Variants in IFFO2 observed in about 807,000 individuals in gnomAD.
The protein encoded by IFFO2 is intermediate filament family orphan 2.
IFFO2 carries 19 observed loss-of-function variants against 53.5 expected under a neutral mutation model. The observed-to-expected ratio is 0.36, with a 90% CI of 0.25 to 0.52. The LOEUF is 0.52. IFFO2 is among the 20% of genes least tolerant of loss of function. The probability of loss-of-function intolerance (pLI) is 0.94; values close to 1 mark genes in which losing one functional copy is unlikely to be tolerated. For missense variants in IFFO2, 570 were observed against 727.4 expected, an observed-to-expected ratio of 0.78 and a Z score of 2.49; for synonymous variants, 303 against 313.6, an observed-to-expected ratio of 0.97 and a Z score of 0.36.
In IFFO2 at chr1:18,936,925, T is replaced by A. The variant is rs551106107; in HGVS notation, c.666-15804A>T. On this transcript the variant is annotated intron_variant, in intron 1 of 8. Transcript: ENST00000455833. The surrounding 1 kb of genome is among the most constrained non-coding windows in gnomAD (Gnocchi z 4.5). ...TGACCCCACCTGGATTCAATGAGGA[T>A]GTGCAAACACAAACTGGCTGCAGGT... Among the ~76,000 whole-genome samples the A allele has an allele frequency of 6.9e-6, 1 of 144,328 alleles. No individual in the cohort carries two copies. Among genetic ancestry groups the A allele is most frequent in the African/African-American group, 2.6e-5 (1 of 38,818 alleles). The allele number at this position is 144,328 out of a possible 152,430, so 94.7% of individuals were successfully genotyped here. A position where few individuals can be genotyped will look rare whatever the true frequency, so the allele number is the denominator to read the frequency against.
chr1:18,919,551 A>T lies in IFFO2; in HGVS notation c.822+127T>A, dbSNP rs1001029551. 5 of 686,310 alleles carry T rather than the reference A, an allele frequency of 7.3e-6. No individual in the cohort carries two copies. The highest frequency in any genetic ancestry group is 1.3e-5 in the Non-Finnish European group (5 of 382,254). The allele number at this position is 686,310 out of a possible 1,614,324, so 42.5% of individuals were successfully genotyped here. The stretch of plus-strand genomic sequence containing the variant: ...TGCATCCAATGCATCCGTCATCCTC[A>T]TGGTCAAACACAGCCAGCCAGGATT... On this transcript the variant is annotated intron_variant, in intron 3 of 8. Transcript: ENST00000455833. This position sits in a 1 kb window ranked among gnomAD's most constrained non-coding sequence, Gnocchi z 4.9.
In IFFO2 at chr1:18,919,746, C is replaced by T; in HGVS notation, c.754G>A (p.Glu252Lys). The T allele has an allele frequency of 6.4e-7, 1 of 1,551,632 alleles. No homozygotes were observed. ...CGCTCGATCTTCTCATTCATCTCCTCCTGGATGGCATCAGCCTCCTGTGCT... is the reference window on the plus strand; with the variant it reads ...CGCTCGATCTTCTCATTCATCTCCTTCTGGATGGCATCAGCCTCCTGTGCT... ...EAAQEADAIQEEMNEKIERLK... is the reference protein window; with the variant it reads ...EAAQEADAIQKEMNEKIERLK... Residue 252 changes from glutamate (E) to lysine (K), a missense_variant, in exon 3 of 9, where the codon GAG becomes AAG. Physicochemically the swap from Glu to Lys is moderately conservative, Grantham distance 56. Coordinates refer to ENST00000455833, the MANE Select transcript of IFFO2 (RefSeq NM_001136265.2). The surrounding 1 kb of genome is among the most constrained non-coding windows in gnomAD (Gnocchi z 4.9).
intron 1 of IFFO2, among the ~76,000 whole-genome samples, chr1:18,941,595 T>TTGC (rs755301894): frequency 1.3e-5 from 2 of 152,216 alleles, no homozygotes; most frequent in Non-Finnish European, 2.9e-5. Flanking sequence ...AACGGCTGCC[T>TTGC]TGCTGCTGCT....
rs1189033356 is a variant in IFFO2 at position 18,912,097 on chromosome 1, A to G, written c.1104-14T>C. On this transcript the variant is annotated splice_polypyrimidine_tract_variant and intron_variant, in intron 5 of 8. Coordinates refer to ENST00000455833, the MANE Select transcript of IFFO2 (RefSeq NM_001136265.2). ...AAGGTCTCCCGCCTGTGGGGGTGAC[A>G]CCAGAGGGCATGACTGAACAGAAGG... 1.3e-6 allele frequency: 2 copies of G among 1,551,480 alleles called. No homozygotes were observed. Among genetic ancestry groups the G allele is most frequent in the South Asian group, 1.2e-5 (1 of 84,052 alleles).
Position 18,912,042 on chromosome 1 carries a change from G to T in IFFO2, c.1145C>A (p.Thr382Lys), listed in dbSNP as rs1391587020. 1.5e-5 allele frequency: 24 copies of T among 1,551,720 alleles called. No homozygotes were observed. Among genetic ancestry groups the T allele is most frequent in the Non-Finnish European group, 2.1e-5 (24 of 1,146,968 alleles). The change falls in exon 6 of 9, where the codon ACG becomes AAG. Residue 382 changes from threonine (T) to lysine (K), a missense_variant. Transcript: ENST00000455833. ...CAGCGTGTCTTCATTCTCTTCCCAC[G>T]TCAGGCTGTCACAGTCGTCGTCAAA... Reference protein sequence around the residue: ...FDFDDDCDSLTWEENEDTLLL... With the variant: ...FDFDDDCDSLKWEENEDTLLL...
In IFFO2 at chr1:18,911,965, C is replaced by T. The variant is rs775253305; in HGVS notation, c.1222G>A (p.Glu408Lys). ...NCNPTIDLQG[E>K]QEENLGNLIH... ...GGGAAGCCAGGCGCTGGGCTTACCT[C>T]GCCCTGCAGGTCGATGGTCGGATTG... The change falls in exon 6 of 9, where the codon GAG (glutamate) becomes AAG (lysine). Residue 408 changes from glutamate (E) to lysine (K), a missense_variant and splice_region_variant. Coordinates refer to ENST00000455833, the MANE Select transcript of IFFO2 (RefSeq NM_001136265.2). The T allele has an allele frequency of 1.3e-5, 20 of 1,551,568 alleles. No individual in the cohort carries two copies. The South Asian group carries it at 1.5e-4, about 12-fold the overall frequency.
chr1:18,914,546 G>C (rs971818614), intron 5 of IFFO2, among the ~76,000 whole-genome samples: 1 of 152,150 alleles, frequency 6.6e-6, no homozygotes, highest in African/African-American at 2.4e-5. Flanking sequence ...GCCAGGTGCA[G>C]TGGCTCATGC....
chr1:18,955,633 C>G, intron 1 of IFFO2, 35 bp downstream of exon 1: 4 of 1,530,860 alleles, frequency 2.6e-6, no homozygotes, highest in Non-Finnish European at 2.6e-6. Flanking sequence ...CTGGGCGCCC[C>G]GTCCCAGGGC....
chr1:18,941,934 C>A (rs1936527212), intron 1 of IFFO2, among the ~76,000 whole-genome samples: 1 of 152,338 alleles, frequency 6.6e-6, no homozygotes, highest in Admixed American at 6.5e-5. Context: ...CTGGACACAG[C>A]CTTGAATGCC....
At chr1:18,910,193 GGATGGA>G in intron 8 of IFFO2, 143 bp downstream of exon 8, 5 of 853,922 alleles carry the variant, frequency 5.9e-6, no homozygotes, top group South Asian at 1.7e-5. Flanking sequence ...GTCACTGGAT[GGATGGA>G]TGGATGGATG....
Position 18,919,836 on chromosome 1 carries a change from G to A in IFFO2, c.727-63C>T. On this transcript the variant is annotated intron_variant, in intron 2 of 8. Transcript: ENST00000455833. This position sits in a 1 kb window ranked among gnomAD's most constrained non-coding sequence, Gnocchi z 4.9. ...GGTCCTCTGGGGATAGGAGGGTCTG[G>A]ACACCTGAGTCCAGAGCCCTAGGCA... 1 of 1,198,426 alleles carries A rather than the reference G, an allele frequency of 8.3e-7. No individual in the cohort carries two copies. The highest frequency in any genetic ancestry group is 1.2e-6 in the Non-Finnish European group (1 of 831,198). The allele number at this position is 1,198,426 out of a possible 1,614,324, so 74.2% of individuals were successfully genotyped here. A position where few individuals can be genotyped will look rare whatever the true frequency, so the allele number is the denominator to read the frequency against.
rs996392026 is a variant in IFFO2, at chr1:18,927,821, C to T, written c.666-6700G>A. On this transcript the variant is annotated intron_variant, in intron 1 of 8. Transcript: ENST00000455833. Reference sequence around the variant, plus strand: ...AGGCTCCCCGGTGGGGTCAGGGCTGCGTGCCCCCAACAGCCTCCACTTGCT... The same window carrying T: ...AGGCTCCCCGGTGGGGTCAGGGCTGTGTGCCCCCAACAGCCTCCACTTGCT... Among the ~76,000 whole-genome samples the T allele has an allele frequency of 1.7e-4, 26 of 152,332 alleles. 1 individual carries two copies. Among genetic ancestry groups the T allele is most frequent in the African/African-American group, 5.8e-4 (24 of 41,574 alleles).
At chr1:18,955,554 A>T in intron 1 of IFFO2, 114 bp downstream of exon 1, 1 of 1,386,746 alleles carries the variant, frequency 7.2e-7, no homozygotes. Context: ...CACAGCTTCC[A>T]GCCCACCTGC....
In IFFO2 at chr1:18,910,470, G is replaced by A. The variant is rs769531839; in HGVS notation, c.1320C>T (p.Leu440=). ...TGTCACTTTTGGCTGTGGCCAGCTC[G>A]AGCTGGGAGGAACCAATGAGGAATA... ...EYQETIGQIE[L]ELATAKSDMN... is the part of the protein sequence containing the mutation. Residue 440 remains leucine (L), a splice_region_variant and synonymous_variant, in exon 8 of 9, where the codon CTC becomes CTT. Coordinates refer to ENST00000455833, the MANE Select transcript of IFFO2 (RefSeq NM_001136265.2). 57 of 1,610,682 alleles carry A rather than the reference G, an allele frequency of 3.5e-5. No homozygotes were observed. Among genetic ancestry groups the A allele is most frequent in the Admixed American group, 2.7e-4 (16 of 59,566 alleles).
chr1:18,955,896 C>G lies in IFFO2; in HGVS notation c.437G>C (p.Gly146Ala). The change falls in exon 1 of 9, where the codon GGC becomes GCC. Residue 146 changes from glycine to alanine, a missense_variant. Coordinates refer to ENST00000455833, the MANE Select transcript of IFFO2 (RefSeq NM_001136265.2). ...NAVALGGLPP[G>A]GGSHPQHYGR... The stretch of plus-strand genomic sequence containing the variant: ...GTAGTGCTGCGGGTGCGAGCCGCCG[C>G]CGGGGGGCAGGCCGCCCAGGGCCAC... The G allele has an allele frequency of 7.4e-7, 1 of 1,347,606 alleles. No individual in the cohort carries two copies. Among genetic ancestry groups the G allele is most frequent in the African/African-American group, 1.5e-5 (1 of 64,998 alleles). 83.5% of individuals were successfully genotyped at this position (1,347,606 alleles called of 1,614,324 possible). A position where few individuals can be genotyped will look rare whatever the true frequency, so the allele number is the denominator to read the frequency against.
intron 1 of IFFO2, among the ~76,000 whole-genome samples, chr1:18,945,529 A>G (rs914135764): frequency 1.6e-4 from 25 of 152,342 alleles, no homozygotes; most frequent in African/African-American, 5.8e-4. Context: ...TAATAAAGAT[A>G]GCCAATTAAG....
chr1:18,906,135 C>T lies in IFFO2; in HGVS notation c.*2426G>A. 6.6e-6 allele frequency: 1 copy of T among 152,242 alleles called. No individual in the cohort carries two copies. The highest frequency in any genetic ancestry group is 1.5e-5 in the Non-Finnish European group (1 of 68,094). The allele number at this position is 152,242 out of a possible 1,614,324, so 9.4% of individuals were successfully genotyped here. ...CCATCACACTCTGGCTTTCCCTCTC[C>T]TACCCACCTGCCCCAAGTCCTCACT... On this transcript the variant is annotated 3_prime_UTR_variant, in exon 9 of 9. Transcript: ENST00000455833.
rs1415207919 is a variant in IFFO2 at position 18,918,949 on chromosome 1, G to A, written c.823-447C>T. 6.6e-6 allele frequency among the ~76,000 whole-genome samples: 1 copy of A among 152,088 alleles called. No individual in the cohort carries two copies. The highest frequency in any genetic ancestry group is 1.5e-5 in the Non-Finnish European group (1 of 68,008). On this transcript the variant is annotated intron_variant, in intron 3 of 8. Coordinates refer to ENST00000455833, the MANE Select transcript of IFFO2 (RefSeq NM_001136265.2). This position sits in a 1 kb window ranked among gnomAD's most constrained non-coding sequence, Gnocchi z 5.2. ...TGAGGACCACAGGGTTGATCCCCTT[G>A]GACACAAGTGAGAGGGAGCCCAGTG... is the stretch of plus-strand genomic sequence containing the variant.
intron 1 of IFFO2, among the ~76,000 whole-genome samples, chr1:18,937,002 G>A (rs917256650): frequency 1.3e-5 from 2 of 151,656 alleles, no homozygotes; most frequent in Admixed American, 6.6e-5. Flanking sequence ...GACATCAGAC[G>A]GGGAAGTCCA....
Sources: gnomAD v4.1 joint callset for allele counts (sites outside exome capture counted in the v4.1 genomes callset) on GRCh38, gnomAD v4.1.1 for gene constraint, Gnocchi (gnomAD v3.1) non-coding constraint, MANE v1.5 for transcripts, NCBI Gene and HGNC (gene_info 2026-07-23, HGNC 2026-07-21) for gene names.